DLGAP2: variants seen among roughly 807,000 people sequenced by gnomAD.
The protein encoded by DLGAP2 is DLG associated protein 2, also known as disks large-associated protein 2.
A neutral mutation model predicts 100.3 loss-of-function variants in DLGAP2; 26 were observed. The ratio of observed to expected loss-of-function variants is 0.26; its 90% CI spans 0.19 to 0.36. The LOEUF (loss-of-function observed/expected upper bound fraction) is 0.36. DLGAP2 is among the 10% of genes least tolerant of loss of function. DLGAP2 has a pLI of 1.00. For synonymous variants in DLGAP2, 886 were observed against 630.1 expected (o/e 1.41, Z -6.08); for missense variants, 1,858 against 1,453.2 (o/e 1.28, Z -4.53).
At chr8:1,312,532 T>G (rs1047854168) in intron 3 of DLGAP2, among the ~76,000 whole-genome samples, 2 of 152,080 alleles carry the variant, frequency 1.3e-5, no homozygotes, top group African/African-American at 4.8e-5. Flanking sequence ...TTCTGGGGGC[T>G]TGGGGGAGAG....
intron 3 of DLGAP2, among the ~76,000 whole-genome samples, chr8:1,342,733 C>G (rs1027315032): frequency 1.3e-5 from 2 of 152,194 alleles, no homozygotes. Context: ...AACTTCAAAA[C>G]GAAAATTAAC....
intron 2 of DLGAP2, among the ~76,000 whole-genome samples, chr8:1,082,331 C>T (rs901950980): frequency 2.0e-5 from 3 of 152,104 alleles, no homozygotes; most frequent in East Asian, 1.9e-4. Context: ...TATTTTACCC[C>T]GTTGAGTCTT....
chr8:951,450 C>A (rs1463550035), intron 2 of DLGAP2, among the ~76,000 whole-genome samples: 3 of 152,096 alleles, frequency 2.0e-5, no homozygotes, highest in African/African-American at 7.2e-5. Context: ...GGGGTTTTGC[C>A]ATGTTGGCCA....
In DLGAP2 at chr8:906,525, C is replaced by T. The variant is rs550872668; in HGVS notation, c.19-1387C>T. Among the ~76,000 whole-genome samples, 6 of 152,246 alleles carry T rather than the reference C, an allele frequency of 3.9e-5. No individual in the cohort carries two copies. In the East Asian group the frequency reaches 5.8e-4, roughly 15 times the overall value. ...AGGAGCCCTCGAAGGCGTCAAACCC[C>T]GGGAGTTGAGTGTGTGTGTGTGTTC... On this transcript the variant is annotated intron_variant, in intron 1 of 14. Coordinates refer to ENST00000637795, the MANE Select transcript of DLGAP2 (RefSeq NM_001346810.2).
chr8:1,503,310 C>T (rs569231622), intron 4 of DLGAP2, among the ~76,000 whole-genome samples: 5 of 152,296 alleles, frequency 3.3e-5, no homozygotes, highest in South Asian at 2.1e-4. Flanking sequence ...AGCCCTGGAA[C>T]CCCCATTCTG....
Position 1,342,897 on chromosome 8 carries a change from G to A in DLGAP2, c.106+84014G>A, listed in dbSNP as rs571326073. On this transcript the variant is annotated intron_variant, in intron 3 of 14. Coordinates refer to ENST00000637795, the MANE Select transcript of DLGAP2 (RefSeq NM_001346810.2). ...CTTTCCTTCTAAACTGCTTTCTGCC[G>A]TCTTTGCCGTGAGACCAGGTGCCAG... Among the ~76,000 whole-genome samples, 27 of 152,180 alleles carry A rather than the reference G, an allele frequency of 1.8e-4. No individual in the cohort carries two copies. In the East Asian group the frequency reaches 3.3e-3, roughly 18 times the overall value.
chr8:957,364 G>C (rs1799620063), intron 2 of DLGAP2, among the ~76,000 whole-genome samples: 1 of 152,196 alleles, frequency 6.6e-6, no homozygotes, highest in Non-Finnish European at 1.5e-5. Flanking sequence ...CAGGTTAAAA[G>C]TTGTCCTTCG....
chr8:898,774 G>C (rs1331092266), intron 1 of DLGAP2, among the ~76,000 whole-genome samples: 1 of 152,140 alleles, frequency 6.6e-6, no homozygotes, highest in African/African-American at 2.4e-5. Flanking sequence ...CCGTTCTTCT[G>C]GTGCTTGTGA....
At chr8:1,266,334 C>T (rs1445018715) in intron 3 of DLGAP2, among the ~76,000 whole-genome samples, 3 of 152,210 alleles carry the variant, frequency 2.0e-5, no homozygotes, top group Non-Finnish European at 4.4e-5. Context: ...TTCTGGTTTC[C>T]AGATGAGCGC....
At chr8:841,951 A>G (rs1211067158) in intron 1 of DLGAP2, among the ~76,000 whole-genome samples, 1 of 152,184 alleles carries the variant, frequency 6.6e-6, no homozygotes, top group East Asian at 1.9e-4. Context: ...TCTATCCTAC[A>G]TCATGTGCCT....
chr8:1,245,102 G>A (rs1798876385), intron 2 of DLGAP2, among the ~76,000 whole-genome samples: 2 of 152,158 alleles, frequency 1.3e-5, no homozygotes, highest in South Asian at 2.1e-4. Context: ...CGTAAGTGCT[G>A]GCAAGATCCT....
chr8:1,503,288 T>C (rs991457777), intron 4 of DLGAP2, among the ~76,000 whole-genome samples: 1 of 151,972 alleles, frequency 6.6e-6, no homozygotes, highest in Non-Finnish European at 1.5e-5. Context: ...ACTCAGTCCC[T>C]TTCCCCTCCC....
intron 2 of DLGAP2, among the ~76,000 whole-genome samples, chr8:1,224,230 C>T (rs988327636): frequency 1.3e-5 from 2 of 152,140 alleles, no homozygotes; most frequent in East Asian, 3.9e-4. Context: ...ATTCGTGGCA[C>T]ATTTAATGTG....
At chr8:1,145,297 C>T (rs1050901023) in intron 2 of DLGAP2, among the ~76,000 whole-genome samples, 16 of 152,140 alleles carry the variant, frequency 1.1e-4, no homozygotes, top group Non-Finnish European at 1.8e-4. Flanking sequence ...TCCAGGAAGC[C>T]GCTGTTTTTA....
At chr8:865,500 C>T (rs1278585523) in intron 1 of DLGAP2, among the ~76,000 whole-genome samples, 2 of 152,106 alleles carry the variant, frequency 1.3e-5, no homozygotes, top group Admixed American at 6.6e-5. Flanking sequence ...TGATGTTCCC[C>T]GGGGCTGAGT....
At chr8:898,570 G>A (rs1054131297) in intron 1 of DLGAP2, among the ~76,000 whole-genome samples, 31 of 152,180 alleles carry the variant, frequency 2.0e-4, no homozygotes, top group Admixed American at 2.0e-3. Flanking sequence ...GCCTGGAGAA[G>A]CCGCAGGTTT....
At chr8:1,044,034 C>T (rs1211033482) in intron 2 of DLGAP2, among the ~76,000 whole-genome samples, 1 of 152,116 alleles carries the variant, frequency 6.6e-6, no homozygotes, top group Non-Finnish European at 1.5e-5. Flanking sequence ...ACACTTCTCA[C>T]AGCAGTGACT....
chr8:1,359,994 G>A (rs1187132648), intron 3 of DLGAP2, among the ~76,000 whole-genome samples: 1 of 152,310 alleles, frequency 6.6e-6, no homozygotes, highest in African/African-American at 2.4e-5. Context: ...CCTCAGCATC[G>A]CCGGTGTTTC....
chr8:1,113,125 T>A (rs1000893947), intron 2 of DLGAP2, among the ~76,000 whole-genome samples: 2 of 152,326 alleles, frequency 1.3e-5, no homozygotes, highest in East Asian at 3.9e-4. Context: ...TCATTCAAAG[T>A]TGGATAATAT....
Sources: gnomAD v4.1 joint callset for allele counts (sites outside exome capture counted in the v4.1 genomes callset) on GRCh38, gnomAD v4.1.1 for gene constraint, MANE v1.5 for transcripts, NCBI Gene and HGNC (gene_info 2026-07-23, HGNC 2026-07-21) for gene names.